TMLHE: variants seen among roughly 807,000 people sequenced by gnomAD.
TMLHE encodes the protein trimethyllysine hydroxylase, epsilon, also known as trimethyllysine dioxygenase, mitochondrial.
Under a neutral mutation model 25.7 loss-of-function variants are expected in TMLHE, and 18 were observed. The observed-to-expected ratio is 0.70, with a 90% CI of 0.48 to 1.04. TMLHE has a LOEUF of 1.04. TMLHE is among the 50% of genes least tolerant of loss of function. TMLHE has a pLI of 0.00. For synonymous variants in TMLHE, 105 were observed against 97.0 expected (o/e 1.08, Z -0.49); for missense variants, 236 against 259.0 (o/e 0.91, Z 0.61).
intron 1 of TMLHE, among the ~76,000 whole-genome samples, chrX:155,567,778 A>C (rs2067516376): frequency 1.6e-5 from 1 of 61,881 alleles, no homozygotes; most frequent in Non-Finnish European, 4.5e-5. Context: ...AAGAACTGAA[A>C]GCTCCACTGA....
chrX:155,539,646 A>G (rs2067299473), intron 2 of TMLHE, among the ~76,000 whole-genome samples: 1 of 111,443 alleles, frequency 9.0e-6, no homozygotes, highest in Non-Finnish European at 1.9e-5. Context: ...CGAAGAAACA[A>G]AGAAATGTGG....
At chrX:155,557,604 A>C (rs989227237) in intron 1 of TMLHE, among the ~76,000 whole-genome samples, 22 of 111,335 alleles carry the variant, frequency 2.0e-4, no homozygotes, top group Non-Finnish European at 4.0e-4. Context: ...AGATCTTTAC[A>C]CATATTAGGT....
chrX:155,556,975 T>C (rs1453624322), intron 1 of TMLHE, among the ~76,000 whole-genome samples: 1 of 112,527 alleles, frequency 8.9e-6, no homozygotes, highest in African/African-American at 3.2e-5. Flanking sequence ...GGTTCTGTTC[T>C]GCCCAGCTCA....
chrX:155,591,578 C>A (rs1299292744), intron 1 of TMLHE, among the ~76,000 whole-genome samples: 1 of 111,333 alleles, frequency 9.0e-6, no homozygotes, highest in Non-Finnish European at 1.9e-5. Flanking sequence ...AATCCATGAG[C>A]TAAAGAAGAA....
intron 2 of TMLHE, among the ~76,000 whole-genome samples, chrX:155,543,162 C>T (rs782729815): frequency 4.3e-4 from 48 of 111,090 alleles, no homozygotes; most frequent in Non-Finnish European, 7.6e-4. Context: ...GTTCACTCTT[C>T]CTACTCTTAC....
intron 2 of TMLHE, among the ~76,000 whole-genome samples, chrX:155,533,804 A>C (rs1458528508): frequency 1.8e-5 from 2 of 111,986 alleles, no homozygotes; most frequent in Admixed American, 9.5e-5. Context: ...TAAAGTGGCA[A>C]AAAACTTAGC....
intron 2 of TMLHE, among the ~76,000 whole-genome samples, chrX:155,536,516 C>T (rs1293296322): frequency 9.0e-6 from 1 of 111,333 alleles, no homozygotes; most frequent in Non-Finnish European, 1.9e-5. Flanking sequence ...CAATATATCC[C>T]CTCATTTTAG....
chrX:155,560,580 AGTTAG>A (rs1557341692), intron 1 of TMLHE, among the ~76,000 whole-genome samples: 1 of 38,632 alleles, frequency 2.6e-5, no homozygotes, highest in African/African-American at 4.4e-5. Context: ...TCAAAGGAGG[AGTTAG>A]TCATAAGGAT....
At chrX:155,532,563 G>A (rs2067255125) in intron 2 of TMLHE, among the ~76,000 whole-genome samples, 1 of 111,288 alleles carries the variant, frequency 9.0e-6, no homozygotes, top group Non-Finnish European at 1.9e-5. Context: ...TTAATTGAAA[G>A]ACTGTCTGAT....
chrX:155,581,835 T>C (rs2067630636), intron 1 of TMLHE, among the ~76,000 whole-genome samples: 1 of 111,928 alleles, frequency 8.9e-6, no homozygotes, highest in Non-Finnish European at 1.9e-5. Context: ...TTAAAGTCCA[T>C]ATGGAACCAA....
chrX:155,574,901 T>C (rs1557343648), intron 1 of TMLHE, among the ~76,000 whole-genome samples: 1 of 111,893 alleles, frequency 8.9e-6, no homozygotes, highest in Non-Finnish European at 1.9e-5. Context: ...TAGAGATAAC[T>C]TGATCTGTAG....
chrX:155,607,905 G>A (rs1389694271), intron 1 of TMLHE, among the ~76,000 whole-genome samples: 2 of 111,648 alleles, frequency 1.8e-5, no homozygotes, highest in African/African-American at 6.5e-5. Flanking sequence ...GAAAGAAATC[G>A]GAGATGATAC....
chrX:155,529,681 T>A (rs1350371887), intron 2 of TMLHE, among the ~76,000 whole-genome samples: 1 of 112,357 alleles, frequency 8.9e-6, no homozygotes, highest in Non-Finnish European at 1.9e-5. Flanking sequence ...CCATTGACCA[T>A]TTTTTAATTG....
chrX:155,507,156 C>T (rs782020589), intron 5 of TMLHE, 22 bp from the exon 6 acceptor site: 1 of 1,097,143 alleles, frequency 9.1e-7, no homozygotes, highest in East Asian at 3.0e-5. Context: ...AAAGAAAATT[C>T]TTCTGTTCAG....
chrX:155,608,560 A>T (rs150112894), intron 1 of TMLHE, among the ~76,000 whole-genome samples: 94 of 112,284 alleles, frequency 8.4e-4, no homozygotes, highest in African/African-American at 2.9e-3. Flanking sequence ...GATAAATAGC[A>T]CCTAGTTAAA....
chrX:155,541,806 G>A (rs188313059), intron 2 of TMLHE, among the ~76,000 whole-genome samples: 1 of 111,612 alleles, frequency 9.0e-6, no homozygotes, highest in East Asian at 2.8e-4. Context: ...GTGATGATGA[G>A]CTTTTTTCAT....
chrX:155,559,968 A>G (rs1458210734), intron 1 of TMLHE, among the ~76,000 whole-genome samples: 1 of 112,709 alleles, frequency 8.9e-6, no homozygotes, highest in East Asian at 2.8e-4. Flanking sequence ...CCTTAGGAAG[A>G]GTTAGCAACT....
At chrX:155,547,540 C>G (rs782091229) in intron 1 of TMLHE, among the ~76,000 whole-genome samples, 9 of 111,419 alleles carry the variant, frequency 8.1e-5, no homozygotes, top group South Asian at 3.8e-4. Context: ...GGAAGAAAGA[C>G]AAGTACAGGG....
In TMLHE at chrX:155,511,806, T is replaced by C; in HGVS notation, c.639-14A>G. The stretch of plus-strand genomic sequence containing the variant: ...TAAATGGTTTCTCTGTTAGTTGAAA[T>C]AAAGAAAGACCTGTTAGCTATTTGA... On this transcript the variant is annotated splice_polypyrimidine_tract_variant and intron_variant, in intron 4 of 7. Transcript: ENST00000334398. 1 of 1,153,400 alleles carries C rather than the reference T, an allele frequency of 8.7e-7. No homozygotes were observed. Among genetic ancestry groups the C allele is most frequent in the Non-Finnish European group, 1.2e-6 (1 of 857,573 alleles).
Sources: allele counts gnomAD v4.1 joint callset (sites outside exome capture counted in the v4.1 genomes callset), GRCh38; gene constraint gnomAD v4.1.1; transcripts MANE v1.5; gene names NCBI Gene and HGNC (gene_info 2026-07-23, HGNC 2026-07-21).